Variants in HPSE observed in about 807,000 individuals in gnomAD.
HPSE encodes endo-glucoronidase.
A neutral mutation model predicts 65.1 loss-of-function variants in HPSE; 48 were observed. The ratio of observed to expected loss-of-function variants is 0.74; its 90% CI spans 0.58 to 0.94. The LOEUF (loss-of-function observed/expected upper bound fraction) is 0.94, where lower values mean the gene tolerates loss of function less well. Among genes scored for constraint, HPSE ranks in the 40% least tolerant of loss-of-function variants. The pLI, the probability that HPSE is intolerant of heterozygous loss-of-function variation, is 0.00. For missense variants in HPSE, 644 were observed against 637.5 expected (o/e 1.01, Z -0.11); for synonymous variants, 243 against 260.0 (o/e 0.93, Z 0.63).
intron 8 of HPSE, among the ~76,000 whole-genome samples, chr4:83,308,030 A>G (rs1578009997): frequency 6.6e-6 from 1 of 152,046 alleles, no homozygotes; most frequent in Non-Finnish European, 1.5e-5. Flanking sequence ...TTGGGAATCT[A>G]TGAATTATAG....
At chr4:83,322,496 C>T in intron 1 of HPSE, 132 bp from the exon 2 acceptor site, 1 of 745,020 alleles carries the variant, frequency 1.3e-6, no homozygotes, top group Non-Finnish European at 2.0e-6. Context: ...GAGGAAATCA[C>T]ATTGTTTTGT....
chr4:83,298,353 C>T (rs1307999221), intron 11 of HPSE, among the ~76,000 whole-genome samples: 2 of 152,114 alleles, frequency 1.3e-5, no homozygotes, highest in African/African-American at 2.4e-5. Flanking sequence ...TATGTTCACT[C>T]AGCCCAGATG....
intron 1 of HPSE, among the ~76,000 whole-genome samples, chr4:83,327,399 T>C (rs868143342): frequency 2.0e-5 from 3 of 152,312 alleles, no homozygotes; most frequent in African/African-American, 7.2e-5. Context: ...GAAAATAATA[T>C]TGACGCCCTC....
intron 1 of HPSE, among the ~76,000 whole-genome samples, chr4:83,325,132 T>G (rs1177024168): frequency 2.3e-4 from 4 of 17,348 alleles, no homozygotes; most frequent in Admixed American, 6.5e-4. Context: ...TACAACTTGG[T>G]GTGTGTGTGT....
At chr4:83,331,904 G>A (rs1219394381) in intron 1 of HPSE, among the ~76,000 whole-genome samples, 2 of 152,032 alleles carry the variant, frequency 1.3e-5, no homozygotes, top group East Asian at 3.9e-4. Context: ...ATTATCTCAT[G>A]TGATCAGAGT....
chr4:83,322,789 T>TTGTGTGTGTGTGTG (rs386400677), intron 1 of HPSE, among the ~76,000 whole-genome samples: 4 of 104,004 alleles, frequency 3.8e-5, no homozygotes, highest in Admixed American at 2.0e-4. Context: ...AAGAGCTTGT[T>TTGTGTGTGTGTGTG]TGTGTGTGTG....
chr4:83,296,479 G>A (rs1267271103), intron 11 of HPSE, among the ~76,000 whole-genome samples: 1 of 152,068 alleles, frequency 6.6e-6, no homozygotes, highest in African/African-American at 2.4e-5. Flanking sequence ...TTCAAGATCA[G>A]CCTGGCCAAC....
intron 9 of HPSE, 100 bp downstream of exon 9, chr4:83,306,103 A>G (rs1320239944): frequency 1.5e-6 from 1 of 649,756 alleles, no homozygotes; most frequent in Non-Finnish European, 2.8e-6. Context: ...TGATTTGGCT[A>G]GTTACTGAGA....
chr4:83,313,194 T>C lies in HPSE; in HGVS notation c.593A>G (p.Gln198Arg). 1.2e-6 allele frequency: 2 copies of C among 1,613,950 alleles called. No individual in the cohort carries two copies. The highest frequency in any genetic ancestry group is 1.6e-4 in the Middle Eastern group (1 of 6,062). Residue 198 changes from glutamine to arginine, a missense_variant, in exon 4 of 12, where the codon CAG becomes CGG. Physicochemically the swap from Gln to Arg is conservative, Grantham distance 43. Coordinates refer to ENST00000311412, the MANE Select transcript of HPSE (RefSeq NM_001098540.3). ...LNALLRTADL[Q>R]WNSSNAQLLL... ...CAACTGAGCATTAGAACTGTTCCAC[T>C]GCAAATCTGCTGTTCTTAATAACGC...
chr4:83,310,738 C>T lies in HPSE; in HGVS notation c.826G>A (p.Ala276Thr). 1 of 1,612,100 alleles carries T rather than the reference C, an allele frequency of 6.2e-7. No individual in the cohort carries two copies. Among genetic ancestry groups the T allele is most frequent in the Non-Finnish European group, 8.5e-7 (1 of 1,179,348 alleles). ...PDVGQPRRKT[A>T]KMLKSFLKAG... ...AGTTCCTACCTCTTCAGCATCTTAGCCGTCTTTCTTCGAGGCTGACCAACA... is the reference window on the plus strand; with the variant it reads ...AGTTCCTACCTCTTCAGCATCTTAGTCGTCTTTCTTCGAGGCTGACCAACA... Residue 276 changes from alanine (A) to threonine (T), a missense_variant, in exon 5 of 12, where the codon GCT (alanine) becomes ACT (threonine). Ala to Thr is a moderately conservative substitution (Grantham distance 58). Coordinates refer to ENST00000311412, the MANE Select transcript of HPSE (RefSeq NM_001098540.3).
At chr4:83,316,866 G>T (rs367739790) in intron 3 of HPSE, among the ~76,000 whole-genome samples, 4 of 151,960 alleles carry the variant, frequency 2.6e-5, no homozygotes, top group African/African-American at 9.7e-5. Context: ...TGGGACACCC[G>T]TTTTTTTGTT....
At chr4:83,325,542 A>G (rs1404265060) in intron 1 of HPSE, among the ~76,000 whole-genome samples, 1 of 152,206 alleles carries the variant, frequency 6.6e-6, no homozygotes, top group Non-Finnish European at 1.5e-5. Context: ...TATTCAACAA[A>G]TATTTGTTGC....
upstream of HPSE, chr4:83,334,992 G>C (rs998075099): frequency 3.1e-5 from 23 of 733,724 alleles, no homozygotes; most frequent in African/African-American, 1.5e-4. Context: ...CCGCCTGCCC[G>C]GCTCTCTCCT....
Position 83,326,083 on chromosome 4 carries a change from C to G in HPSE, c.228-3719G>C, listed in dbSNP as rs138252939. Reference sequence around the variant, plus strand: ...GAAGGATCTGAAGCAGCTGGAGTGACCTCACCAGACTAAGAACAAGACTCT... The same window carrying G: ...GAAGGATCTGAAGCAGCTGGAGTGAGCTCACCAGACTAAGAACAAGACTCT... On this transcript the variant is annotated intron_variant, in intron 1 of 11. Coordinates refer to ENST00000311412, the MANE Select transcript of HPSE (RefSeq NM_001098540.3). This position sits in a 1 kb window ranked among gnomAD's most constrained non-coding sequence, Gnocchi z 4.2. 9.2e-5 allele frequency among the ~76,000 whole-genome samples: 14 copies of G among 152,126 alleles called. No individual in the cohort carries two copies. The highest frequency in any genetic ancestry group is 3.4e-4 in the African/African-American group (14 of 41,424).
At chr4:83,302,297 C>T in intron 9 of HPSE, 29 bp from the exon 10 acceptor site, 1 of 1,410,580 alleles carries the variant, frequency 7.1e-7, no homozygotes, top group Non-Finnish European at 1.0e-6. Flanking sequence ...GAGAAAGAGA[C>T]AAAAATAGAT....
In HPSE at chr4:83,301,142, A is replaced by G. The variant is rs758999919; in HGVS notation, c.1326-36T>C. The stretch of plus-strand genomic sequence containing the variant: ...AGAGGTTAACTTAATAGAAATATGT[A>G]TCTAATTTAAGCAATTAAAAACTCA... On this transcript the variant is annotated intron_variant, in intron 10 of 11. Transcript: ENST00000311412. 7.9e-6 allele frequency: 11 copies of G among 1,391,848 alleles called. 1 individual carries two copies. The South Asian group carries it at 1.1e-4, about 13-fold the overall frequency. 86.2% of individuals were successfully genotyped at this position (1,391,848 alleles called of 1,614,324 possible).
At position 83,296,241 on chromosome 4, in the gene HPSE, G is replaced by T. The variant is rs1453660212; in HGVS notation, c.1473-738C>A. On this transcript the variant is annotated intron_variant, in intron 11 of 11. Coordinates refer to ENST00000311412, the MANE Select transcript of HPSE (RefSeq NM_001098540.3). ...TATTCACAGGAGCGAATCAATATAG[G>T]CAAGAGCTTATGAAGAAAAGCTTTA... Among the ~76,000 whole-genome samples, 6 of 152,172 alleles carry T rather than the reference G, an allele frequency of 3.9e-5. No homozygotes were observed. The East Asian group carries it at 1.2e-3, about 29-fold the overall frequency.
chr4:83,323,736 C>T (rs1737018580), intron 1 of HPSE, among the ~76,000 whole-genome samples: 5 of 152,176 alleles, frequency 3.3e-5, no homozygotes, highest in Admixed American at 3.3e-4. Context: ...CTAATTTGAA[C>T]AATTCTAAAT....
chr4:83,301,490 CAG>C (rs1297897496), intron 10 of HPSE, among the ~76,000 whole-genome samples: 4 of 152,066 alleles, frequency 2.6e-5, no homozygotes, highest in African/African-American at 7.2e-5. Flanking sequence ...ACCATAAAAA[CAG>C]GGGCTTTTCC....
Sources: gnomAD v4.1 joint callset for allele counts (sites outside exome capture counted in the v4.1 genomes callset) on GRCh38, gnomAD v4.1.1 for gene constraint, Gnocchi (gnomAD v3.1) non-coding constraint, MANE v1.5 for transcripts, NCBI Gene and HGNC (gene_info 2026-07-23, HGNC 2026-07-21) for gene names.